The following DLC1 variants were observed in gnomAD, a reference collection of about 807,000 sequenced individuals.
DLC1 encodes the protein rho GTPase-activating protein 7.
A neutral mutation model predicts 140.3 loss-of-function variants in DLC1; 54 were observed. That is an observed-to-expected ratio of 0.38 (90% CI 0.31 to 0.48). DLC1 has a LOEUF of 0.48. Ranked by LOEUF, DLC1 falls within the 20% of genes least tolerant of loss-of-function variation. The pLI is 0.96. For missense variants in DLC1, 2,536 were observed against 1,907.0 expected (o/e 1.33, Z -6.14); for synonymous variants, 986 against 728.1 (o/e 1.35, Z -5.70).
At chr8:13,563,377 C>G (rs1947901) in intron 1 of DLC1, among the ~76,000 whole-genome samples, 13 of 151,918 alleles carry the variant, frequency 8.6e-5, no homozygotes, top group Non-Finnish European at 1.5e-4. Flanking sequence ...AGATATAAAA[C>G]AAAGTATTTA....
At chr8:13,278,920 A>G (rs888503133) in intron 5 of DLC1, among the ~76,000 whole-genome samples, 16 of 152,212 alleles carry the variant, frequency 1.1e-4, no homozygotes, top group Admixed American at 9.8e-4. Context: ...AAGCTTAGAA[A>G]GAAAAAATTC....
chr8:13,428,391 A>C (rs1470941411), intron 2 of DLC1, among the ~76,000 whole-genome samples: 1 of 152,156 alleles, frequency 6.6e-6, no homozygotes, highest in Non-Finnish European at 1.5e-5. Context: ...AATCAAATCA[A>C]TTTTCAAAAA....
intron 2 of DLC1, among the ~76,000 whole-genome samples, chr8:13,429,729 C>T (rs1358664641): frequency 2.6e-5 from 4 of 152,160 alleles, no homozygotes; most frequent in African/African-American, 7.2e-5. Flanking sequence ...TGGATAGAAT[C>T]TCTAGATTTT....
chr8:13,499,013 A>C (rs773948128), intron 2 of DLC1, 36 bp downstream of exon 2: 1 of 1,537,634 alleles, frequency 6.5e-7, no homozygotes, highest in South Asian at 1.3e-5. Context: ...TATTTACAAA[A>C]TTTCAAAAGC....
At chr8:13,262,956 T>C (rs1194244398) in intron 5 of DLC1, among the ~76,000 whole-genome samples, 1 of 152,250 alleles carries the variant, frequency 6.6e-6, no homozygotes, top group African/African-American at 2.4e-5. Flanking sequence ...CATATCATTC[T>C]AAGACATGAT....
chr8:13,287,294 A>G (rs1831566150), intron 5 of DLC1, among the ~76,000 whole-genome samples: 1 of 152,246 alleles, frequency 6.6e-6, no homozygotes, highest in Middle Eastern at 3.2e-3. Context: ...AGAAATGGAA[A>G]GTAAGCAATC....
At position 13,514,771 on chromosome 8, in the gene DLC1, C is replaced by G; in HGVS notation, c.-295G>C. Reference sequence around the variant, plus strand: ...AGTGTGTGAGTCTAACAAAAACACCCTCTGCAGCTGGAGGGAGCCTTAGCT... The same window carrying G: ...AGTGTGTGAGTCTAACAAAAACACCGTCTGCAGCTGGAGGGAGCCTTAGCT... On this transcript the variant is annotated 5_prime_UTR_variant, in exon 1 of 18. Transcript: ENST00000276297. 1 of 397,170 alleles carries G rather than the reference C, an allele frequency of 2.5e-6. No homozygotes were observed. The highest frequency in any genetic ancestry group is 1.3e-4 in the South Asian group (1 of 7,506). 24.6% of individuals were successfully genotyped at this position (397,170 alleles called of 1,614,324 possible).
intron 4 of DLC1, among the ~76,000 whole-genome samples, chr8:13,392,237 C>T (rs1008136397): frequency 6.6e-6 from 1 of 152,156 alleles, no homozygotes; most frequent in Admixed American, 6.5e-5. Flanking sequence ...TGTTTACATA[C>T]TTACCTCCTT....
intron 5 of DLC1, among the ~76,000 whole-genome samples, chr8:13,170,101 A>G (rs912255626): frequency 6.6e-6 from 1 of 152,226 alleles, no homozygotes; most frequent in African/African-American, 2.4e-5. Flanking sequence ...GATTTATGAA[A>G]TAAAGCTAAT....
chr8:13,550,339 T>C (rs1386538547), intron 1 of DLC1, among the ~76,000 whole-genome samples: 1 of 152,150 alleles, frequency 6.6e-6, no homozygotes, highest in Non-Finnish European at 1.5e-5. Flanking sequence ...TCTGTCATAA[T>C]TGTAAGTTTC....
At chr8:13,206,840 A>C (rs1827685056) in intron 5 of DLC1, among the ~76,000 whole-genome samples, 1 of 152,078 alleles carries the variant, frequency 6.6e-6, no homozygotes, top group Admixed American at 6.6e-5. Flanking sequence ...AAGAACTCGA[A>C]CAGCACATGA....
chr8:13,567,143 C>G (rs949471852), intron 1 of DLC1: 11 of 1,551,778 alleles, frequency 7.1e-6, no homozygotes, highest in Non-Finnish European at 9.6e-6. Context: ...CCCCTGACCT[C>G]TGGGAGCAAA....
chr8:13,443,484 C>T (rs1398972152), intron 2 of DLC1, among the ~76,000 whole-genome samples: 4 of 150,520 alleles, frequency 2.7e-5, no homozygotes, highest in Non-Finnish European at 5.9e-5. Flanking sequence ...ATGGTGAAAC[C>T]CCGTCTCTAC....
chr8:13,243,755 A>G (rs1281387910), intron 5 of DLC1, among the ~76,000 whole-genome samples: 3 of 152,220 alleles, frequency 2.0e-5, no homozygotes, highest in Non-Finnish European at 2.9e-5. Context: ...TGCGAACAAC[A>G]TCAAGTTACT....
chr8:13,098,690 A>C, intron 9 of DLC1, 115 bp from the exon 10 acceptor site: 5 of 1,156,576 alleles, frequency 4.3e-6, no homozygotes, highest in Non-Finnish European at 5.9e-6. Context: ...ATCACAGCTC[A>C]CTGCAGCCTT....
chr8:13,279,816 G>C (rs1831303763), intron 5 of DLC1, among the ~76,000 whole-genome samples: 1 of 152,178 alleles, frequency 6.6e-6, no homozygotes, highest in South Asian at 2.1e-4. Context: ...CTGCCACTTA[G>C]ACAATAATTT....
rs768112373 is a variant in DLC1, at chr8:13,347,114, G to T, written c.1315-41812C>A. On this transcript the variant is annotated intron_variant, in intron 4 of 17. Transcript: ENST00000276297. ...GGAAACATAGTATACACAGGGTTTG[G>T]TACTATCCGTAGTTTCAGGCACCCA... 4.9e-4 allele frequency among the ~76,000 whole-genome samples: 75 copies of T among 152,250 alleles called. 4 individuals are homozygous for T. Among genetic ancestry groups the T allele is most frequent in the Admixed American group, 2.3e-3 (35 of 15,290 alleles).
chr8:13,453,889 T>C (rs1799270009), intron 2 of DLC1, among the ~76,000 whole-genome samples: 1 of 152,038 alleles, frequency 6.6e-6, no homozygotes, highest in South Asian at 2.1e-4. Context: ...GTATTTGAAG[T>C]TGTAAAACAG....
At chr8:13,209,345 TC>T (rs1454163873) in intron 5 of DLC1, among the ~76,000 whole-genome samples, 3 of 152,124 alleles carry the variant, frequency 2.0e-5, no homozygotes, top group Non-Finnish European at 2.9e-5. Flanking sequence ...TAAACATAAT[TC>T]CTTTGGAGAG....
Sources: allele counts gnomAD v4.1 joint callset (sites outside exome capture counted in the v4.1 genomes callset), GRCh38; gene constraint gnomAD v4.1.1; transcripts MANE v1.5; gene names NCBI Gene and HGNC (gene_info 2026-07-23, HGNC 2026-07-21).